The following CACNA1D variants were observed in gnomAD, a reference collection of about 807,000 sequenced individuals.
CACNA1D encodes calcium voltage-gated channel subunit alpha1 D, also known as voltage-dependent L-type calcium channel subunit alpha-1D.
A neutral mutation model predicts 257.1 loss-of-function variants in CACNA1D; 55 were observed. That is an observed-to-expected ratio of 0.21 (90% CI 0.17 to 0.27). CACNA1D has a LOEUF of 0.27. Ranked by LOEUF, CACNA1D falls within the 10% of genes least tolerant of loss-of-function variation. CACNA1D has a pLI of 1.00. For missense variants in CACNA1D, 1,876 were observed against 2,784.0 expected (o/e 0.67, Z 7.34); for synonymous variants, 980 against 1,014.9 (o/e 0.97, Z 0.65).
chr3:53,526,448 T>G (rs1469339053), intron 3 of CACNA1D, among the ~76,000 whole-genome samples: 1 of 152,232 alleles, frequency 6.6e-6, no homozygotes, highest in African/African-American at 2.4e-5. Flanking sequence ...TTAGCTGCAC[T>G]GTGGATTTAG....
intron 5 of CACNA1D, among the ~76,000 whole-genome samples, chr3:53,665,063 C>T (rs543531584): frequency 3.3e-5 from 5 of 152,284 alleles, no homozygotes; most frequent in Admixed American, 1.3e-4. Context: ...TAGGCACAGT[C>T]GTGAGTTTGC....
intron 3 of CACNA1D, among the ~76,000 whole-genome samples, chr3:53,606,286 A>G (rs562210602): frequency 6.6e-6 from 1 of 152,374 alleles, no homozygotes; most frequent in Admixed American, 6.5e-5. Flanking sequence ...GCCAAAGTAC[A>G]GAAACCCCTG....
At chr3:53,745,957 A>G in intron 25 of CACNA1D, 82 bp downstream of exon 25, 1 of 1,126,146 alleles carries the variant, frequency 8.9e-7, no homozygotes, top group Non-Finnish European at 1.3e-6. Context: ...GCACGTCAGA[A>G]GTTTTGGTCG....
chr3:53,774,531 G>T lies in CACNA1D; in HGVS notation c.4111-56G>T, dbSNP rs2095385691. The T allele has an allele frequency of 1.9e-6, 2 of 1,070,638 alleles. No individual in the cohort carries two copies. Among genetic ancestry groups the T allele is most frequent in the African/African-American group, 1.5e-5 (1 of 64,538 alleles). The allele number at this position is 1,070,638 out of a possible 1,614,324, so 66.3% of individuals were successfully genotyped here. On this transcript the variant is annotated intron_variant, in intron 33 of 47. Coordinates refer to ENST00000350061, the MANE Select transcript of CACNA1D (RefSeq NM_001128840.3). This position sits in a 1 kb window ranked among gnomAD's most constrained non-coding sequence, Gnocchi z 4.3. ...TGAGTTAGTTCTAAATTCACATACG[G>T]ATTTTTTTTGCATGACGAAATCTAT...
chr3:53,566,401 A>G (rs1306290598), intron 3 of CACNA1D, among the ~76,000 whole-genome samples: 1 of 152,018 alleles, frequency 6.6e-6, no homozygotes. Context: ...ACTCCTGATT[A>G]CCTGGGTCTC....
intron 3 of CACNA1D, among the ~76,000 whole-genome samples, chr3:53,524,922 G>A (rs2091705672): frequency 6.6e-6 from 1 of 152,140 alleles, no homozygotes; most frequent in Admixed American, 6.5e-5. Flanking sequence ...ACAGGGGCAG[G>A]CCACTAGGGT....
chr3:53,510,423 TC>T (rs2091059138), intron 3 of CACNA1D, among the ~76,000 whole-genome samples: 1 of 152,242 alleles, frequency 6.6e-6, no homozygotes, highest in Non-Finnish European at 1.5e-5. Flanking sequence ...TGTAAAATAT[TC>T]CATGTATGAA....
In CACNA1D at chr3:53,558,059, A is replaced by T. The variant is rs891305939; in HGVS notation, c.483+56339A>T. 9.2e-5 allele frequency among the ~76,000 whole-genome samples: 14 copies of T among 152,326 alleles called. 1 individual carries two copies. Among genetic ancestry groups the T allele is most frequent in the South Asian group, 6.2e-4 (3 of 4,830 alleles). ...TGCTTTTGACCTTTATTCTATTAAT[A>T]TGATGTATTACACTGATTTTTGTTT... On this transcript the variant is annotated intron_variant, in intron 3 of 47. Transcript: ENST00000350061.
At chr3:53,772,964 G>A (rs1559661489) in intron 33 of CACNA1D, 66 bp downstream of exon 33, 3 of 1,285,474 alleles carry the variant, frequency 2.3e-6, no homozygotes, top group Non-Finnish European at 3.4e-6. Flanking sequence ...GTGGCAAGAT[G>A]TACCCTGACC....
intron 3 of CACNA1D, among the ~76,000 whole-genome samples, chr3:53,596,351 G>T (rs2093369896): frequency 6.6e-6 from 1 of 152,130 alleles, no homozygotes; most frequent in African/African-American, 2.4e-5. Flanking sequence ...TCCAGTGTTG[G>T]GGGAGAGTCT....
In CACNA1D at chr3:53,811,568, TGGTAGGAACAGGTCCCAAGC is replaced by T. The variant is rs2095601110; in HGVS notation, c.*166_*185del. 2 of 633,322 alleles carry T rather than the reference TGGTAGGAACAGGTCCCAAGC, an allele frequency of 3.2e-6. No homozygotes were observed. Among genetic ancestry groups the T allele is most frequent in the Admixed American group, 3.2e-5 (1 of 31,086 alleles). 39.2% of individuals were successfully genotyped at this position (633,322 alleles called of 1,614,324 possible). On this transcript the variant is annotated 3_prime_UTR_variant, in exon 48 of 48. Transcript: ENST00000350061. This position sits in a 1 kb window ranked among gnomAD's most constrained non-coding sequence, Gnocchi z 4.2. ...TCATGCCTCAAGAAAGCCATAAACC[TGGTAGGAACAGGTCCCAAGC>T]GGTTGAGCCTGGCAGAGTACCATGC...
intron 37 of CACNA1D, among the ~76,000 whole-genome samples, chr3:53,779,813 C>G (rs1042571375): frequency 2.6e-5 from 4 of 152,078 alleles, no homozygotes; most frequent in Non-Finnish European, 5.9e-5. Flanking sequence ...GCAGACACAC[C>G]CAGAAATCAT....
At chr3:53,679,030 G>A (rs2094402478) in intron 8 of CACNA1D, 2 of 151,678 alleles carry the variant, frequency 1.3e-5, no homozygotes, top group South Asian at 4.2e-4. Flanking sequence ...AGCACTTTCG[G>A]AGGCCGAGGC....
intron 3 of CACNA1D, among the ~76,000 whole-genome samples, chr3:53,605,697 A>G (rs1160669385): frequency 1.3e-5 from 2 of 152,226 alleles, no homozygotes; most frequent in African/African-American, 4.8e-5. Flanking sequence ...TCTGATTTTC[A>G]AAGAACTTTT....
chr3:53,728,103 G>A (rs1047232595), intron 15 of CACNA1D, among the ~76,000 whole-genome samples: 1 of 151,950 alleles, frequency 6.6e-6, no homozygotes, highest in African/African-American at 2.4e-5. Flanking sequence ...CTTACTGCCT[G>A]TAGGTTCTTC....
chr3:53,651,366 C>CTTTTTTTTTTTTTTTTTTTTTT lies in CACNA1D; in HGVS notation c.623+449_623+470dup, dbSNP rs779207160. Among the ~76,000 whole-genome samples the CTTTTTTTTTTTTTTTTTTTTTT allele has an allele frequency of 6.2e-4, 51 of 81,846 alleles. 7 individuals carry two copies. Among genetic ancestry groups the CTTTTTTTTTTTTTTTTTTTTTT allele is most frequent in the African/African-American group, 1.5e-3 (34 of 22,544 alleles). The allele number at this position is 81,846 out of a possible 152,430, so 53.7% of individuals were successfully genotyped here. On this transcript the variant is annotated intron_variant, in intron 4 of 47. Transcript: ENST00000350061. ...TCCCTTGAGCAAAGCTATTAATTTT[C>CTTTTTTTTTTTTTTTTTTTTTT]TTTTTTTTTTTTTTTTTTTTTTGCT... is the stretch of plus-strand genomic sequence containing the variant.
At chr3:53,608,326 T>C (rs2107934708) in intron 3 of CACNA1D, among the ~76,000 whole-genome samples, 1 of 152,354 alleles carries the variant, frequency 6.6e-6, no homozygotes, top group East Asian at 1.9e-4. Flanking sequence ...AGCTTTTGTA[T>C]ATTGACTCTG....
At position 53,751,541 on chromosome 3, in the gene CACNA1D, G is replaced by T. The variant is rs1046102247; in HGVS notation, c.3517-208G>T. 1.3e-5 allele frequency among the ~76,000 whole-genome samples: 2 copies of T among 152,224 alleles called. No individual in the cohort carries two copies. Among genetic ancestry groups the T allele is most frequent in the Non-Finnish European group, 1.5e-5 (1 of 68,042 alleles). On this transcript the variant is annotated intron_variant, in intron 27 of 47. Coordinates refer to ENST00000350061, the MANE Select transcript of CACNA1D (RefSeq NM_001128840.3). The surrounding 1 kb of genome is among the most constrained non-coding windows in gnomAD (Gnocchi z 4.3). ...CCAGCTTACCCGGAGCTTGCTGGGAGGGTCAGCGAAGGTAATGGAGGCAGG... is the reference window on the plus strand; with the variant it reads ...CCAGCTTACCCGGAGCTTGCTGGGATGGTCAGCGAAGGTAATGGAGGCAGG...
At chr3:53,512,587 C>T (rs1000201437) in intron 3 of CACNA1D, among the ~76,000 whole-genome samples, 37 of 152,254 alleles carry the variant, frequency 2.4e-4, no homozygotes, top group African/African-American at 8.4e-4. Context: ...CAGTGAGAGA[C>T]GAACCGCATG....
Sources: allele counts gnomAD v4.1 joint callset (sites outside exome capture counted in the v4.1 genomes callset), GRCh38; gene constraint gnomAD v4.1.1; non-coding constraint Gnocchi (gnomAD v3.1); transcripts MANE v1.5; gene names NCBI Gene and HGNC (gene_info 2026-07-23, HGNC 2026-07-21).